The following CFAP58 variants were observed in gnomAD, a reference collection of about 807,000 sequenced individuals.
CFAP58 encodes the protein cilia- and flagella-associated protein 58.
Under a neutral mutation model 119.5 loss-of-function variants are expected in CFAP58, and 88 were observed. The observed-to-expected ratio is 0.74, with a 90% CI of 0.62 to 0.88. The LOEUF (loss-of-function observed/expected upper bound fraction) is 0.88, where lower values mean the gene tolerates loss of function less well. Among genes scored for constraint, CFAP58 ranks in the 40% least tolerant of loss-of-function variants. The probability of loss-of-function intolerance (pLI) is 0.00; values close to 1 mark genes in which losing one functional copy is unlikely to be tolerated. For missense variants in CFAP58, 990 were observed against 1,021.2 expected (o/e 0.97, Z 0.42); for synonymous variants, 365 against 366.3 (o/e 1.00, Z 0.04).
At chr10:104,376,244 A>G (rs911240573) in intron 7 of CFAP58, among the ~76,000 whole-genome samples, 1 of 152,024 alleles carries the variant, frequency 6.6e-6, no homozygotes, top group South Asian at 2.1e-4. Context: ...ATGAGAATTT[A>G]TGGTTTGTAG....
At chr10:104,390,135 C>T (rs78312139) in intron 9 of CFAP58, among the ~76,000 whole-genome samples, 3,866 of 152,172 alleles carry the variant, frequency 0.025, 191 homozygotes, top group African/African-American at 0.089. Flanking sequence ...GGAATCCATC[C>T]CACAGAAATA....
chr10:104,436,618 C>A (rs759892720), intron 15 of CFAP58, among the ~76,000 whole-genome samples: 5 of 152,162 alleles, frequency 3.3e-5, no homozygotes, highest in Non-Finnish European at 7.3e-5. Flanking sequence ...AGTACTCATT[C>A]TTGCAAGGAC....
chr10:104,445,193 C>T (rs905062029), intron 15 of CFAP58, among the ~76,000 whole-genome samples: 1 of 151,764 alleles, frequency 6.6e-6, no homozygotes, highest in East Asian at 1.9e-4. Context: ...CATGGTGGTG[C>T]ATGCCTATAG....
Position 104,450,097 on chromosome 10 carries a change from T to C in CFAP58, c.2403T>C (p.Tyr801=). 1.2e-6 allele frequency: 2 copies of C among 1,609,188 alleles called. No homozygotes were observed. The highest frequency in any genetic ancestry group is 1.7e-6 in the Non-Finnish European group (2 of 1,178,520). ...TTTTGTCTTCAGAATTGAATATGTA[T>C]GAAGTACAGAGCAAAGAATATAAAT... ...LKVLSSELNM[Y]EVQSKEYKYE... The change falls in exon 17 of 18, where the codon TAT becomes TAC. Residue 801 remains tyrosine, a synonymous_variant. Transcript: ENST00000369704.
upstream of CFAP58, chr10:104,353,826 C>G: frequency 1.3e-6 from 2 of 1,565,978 alleles, no homozygotes; most frequent in South Asian, 1.1e-5. Context: ...CCTTTAGCTT[C>G]TTTCCCAGAC....
chr10:104,406,692 A>G lies in CFAP58; in HGVS notation c.2155A>G (p.Ser719Gly). 1 of 1,614,150 alleles carries G rather than the reference A, an allele frequency of 6.2e-7. No individual in the cohort carries two copies. The highest frequency in any genetic ancestry group is 8.5e-7 in the Non-Finnish European group (1 of 1,179,962). ...NVHRWRKLEA[S>G]DPNAYELIQK... ...TATTGTTGTTCCCCTTGGACAGGCC[A>G]GCGACCCCAATGCATATGAGCTGAT... The change falls in exon 15 of 18, where the codon AGC (serine) becomes GGC (glycine). Residue 719 changes from serine to glycine, a missense_variant. Coordinates refer to ENST00000369704, the MANE Select transcript of CFAP58 (RefSeq NM_001008723.2).
chr10:104,404,508 C>T (rs913468968), intron 14 of CFAP58, among the ~76,000 whole-genome samples: 16 of 152,044 alleles, frequency 1.1e-4, no homozygotes, highest in South Asian at 4.1e-4. Flanking sequence ...AAAGGGCCTT[C>T]GACTAAATGA....
intron 15 of CFAP58, among the ~76,000 whole-genome samples, chr10:104,438,818 A>G (rs1007396256): frequency 1.3e-5 from 2 of 152,238 alleles, no homozygotes; most frequent in African/African-American, 4.8e-5. Context: ...ACTTGGGAAC[A>G]TGCACAAGAA....
At chr10:104,449,981 G>T in intron 16 of CFAP58, 90 bp from the exon 17 acceptor site, 1 of 1,304,366 alleles carries the variant, frequency 7.7e-7, no homozygotes, top group Non-Finnish European at 1.1e-6. Context: ...TGCACCTCTA[G>T]CTCCACTGCG....
At chr10:104,441,175 G>A (rs2013031111) in intron 15 of CFAP58, among the ~76,000 whole-genome samples, 1 of 151,998 alleles carries the variant, frequency 6.6e-6, no homozygotes, top group African/African-American at 2.4e-5. Flanking sequence ...GCTAATTTTT[G>A]TATTTTTTGT....
intron 9 of CFAP58, among the ~76,000 whole-genome samples, chr10:104,385,460 GA>G (rs890768561): frequency 9.2e-4 from 140 of 151,666 alleles, no homozygotes; most frequent in African/African-American, 3.2e-3. Flanking sequence ...AAAGAAAAAA[GA>G]AAAAAAAGGC....
intron 15 of CFAP58, among the ~76,000 whole-genome samples, chr10:104,426,668 T>C (rs1375726881): frequency 6.6e-6 from 1 of 152,200 alleles, no homozygotes; most frequent in Non-Finnish European, 1.5e-5. Flanking sequence ...CTCTTCCAGA[T>C]TGTGCCTCTG....
intron 11 of CFAP58, among the ~76,000 whole-genome samples, chr10:104,394,295 T>A (rs1371875305): frequency 6.6e-6 from 1 of 152,226 alleles, no homozygotes; most frequent in Non-Finnish European, 1.5e-5. Flanking sequence ...AAAAGGAACT[T>A]CTAAGAAAAT....
intron 1 of CFAP58, among the ~76,000 whole-genome samples, chr10:104,358,018 TAC>T (rs1317099024): frequency 2.3e-5 from 3 of 128,530 alleles, no homozygotes; most frequent in South Asian, 2.3e-4. Context: ...CACATATATG[TAC>T]ATATATATAC....
chr10:104,357,294 GA>G (rs1431482023), intron 1 of CFAP58, among the ~76,000 whole-genome samples: 2 of 152,160 alleles, frequency 1.3e-5, no homozygotes, highest in African/African-American at 2.4e-5. Context: ...AGCAAATGTG[GA>G]AAAGTCCCAT....
intron 15 of CFAP58, among the ~76,000 whole-genome samples, chr10:104,408,998 G>A (rs1222459170): frequency 6.6e-6 from 1 of 152,102 alleles, no homozygotes; most frequent in Admixed American, 6.5e-5. Context: ...TACTCAGGAG[G>A]CTGAGGTGGG....
At chr10:104,389,779 A>C (rs1430583510) in intron 9 of CFAP58, among the ~76,000 whole-genome samples, 2 of 152,212 alleles carry the variant, frequency 1.3e-5, no homozygotes, top group Admixed American at 1.3e-4. Context: ...TGGGGGAGTG[A>C]ATGAATAAGT....
At chr10:104,370,794 C>A in intron 6 of CFAP58, 101 bp from the exon 7 acceptor site, 2 of 1,080,844 alleles carry the variant, frequency 1.9e-6, no homozygotes, top group Non-Finnish European at 2.6e-6. Flanking sequence ...TTTAAAATGC[C>A]ATGGGAAGAA....
At chr10:104,454,315 C>G in intron 17 of CFAP58, 107 bp from the exon 18 acceptor site, 1 of 847,110 alleles carries the variant, frequency 1.2e-6, no homozygotes, top group Non-Finnish European at 2.0e-6. Context: ...AAACTAGAAG[C>G]TGTAATCAAA....
Sources: allele counts gnomAD v4.1 joint callset (sites outside exome capture counted in the v4.1 genomes callset), GRCh38; gene constraint gnomAD v4.1.1; transcripts MANE v1.5; gene names NCBI Gene and HGNC (gene_info 2026-07-23, HGNC 2026-07-21).